Variants in SEL1L2 observed in about 807,000 individuals in gnomAD.
SEL1L2 encodes the protein SEL1L2 adaptor subunit of SYVN1 ubiquitin ligase, also known as protein sel-1 homolog 2.
SEL1L2 carries 89 observed loss-of-function variants against 98.8 expected under a neutral mutation model. The ratio of observed to expected loss-of-function variants is 0.90; its 90% CI spans 0.76 to 1.07. The LOEUF is 1.07. SEL1L2 is among the 50% of genes least tolerant of loss of function. The pLI, the probability that SEL1L2 is intolerant of heterozygous loss-of-function variation, is 0.00. For synonymous variants in SEL1L2, 262 were observed against 278.5 expected (o/e 0.94, Z 0.59); for missense variants, 788 against 812.0 (o/e 0.97, Z 0.36).
At chr20:13,968,492 T>C (rs1179450803) in intron 1 of SEL1L2, among the ~76,000 whole-genome samples, 1 of 152,224 alleles carries the variant, frequency 6.6e-6, no homozygotes, top group African/African-American at 2.4e-5. Context: ...AATGAGAGTA[T>C]GCGGTGGAAC....
At chr20:13,937,574 C>A (rs1305436758) in intron 2 of SEL1L2, among the ~76,000 whole-genome samples, 1 of 152,140 alleles carries the variant, frequency 6.6e-6, no homozygotes, top group African/African-American at 2.4e-5. Context: ...TGTCCATGTG[C>A]CTAAATTTTC....
At chr20:13,853,137 G>C (rs985563630) in intron 18 of SEL1L2, among the ~76,000 whole-genome samples, 1 of 151,536 alleles carries the variant, frequency 6.6e-6, no homozygotes, top group Non-Finnish European at 1.5e-5. Context: ...TACATCTTCT[G>C]TTTTCTTAAC....
rs553302008 is a variant in SEL1L2, at chr20:13,990,254, C to T, written c.58+223G>A. Among the ~76,000 whole-genome samples, 25 of 152,248 alleles carry T rather than the reference C, an allele frequency of 1.6e-4. 1 individual carries two copies. The highest frequency in any genetic ancestry group is 1.3e-3 in the Admixed American group (20 of 15,300). ...ATAGATTTGTTTTTTCCCCATCCCC[C>T]ACACCCTTCCCAAGTACACACCCTT... On this transcript the variant is annotated intron_variant, in intron 1 of 19. Transcript: ENST00000284951.
At chr20:13,948,331 G>A (rs543193556) in intron 2 of SEL1L2, among the ~76,000 whole-genome samples, 38 of 151,960 alleles carry the variant, frequency 2.5e-4, no homozygotes, top group African/African-American at 8.0e-4. Flanking sequence ...GAAGACTAAA[G>A]TTGGAGGTCT....
At chr20:13,863,881 A>G (rs1260635439) in intron 17 of SEL1L2, among the ~76,000 whole-genome samples, 1 of 151,824 alleles carries the variant, frequency 6.6e-6, no homozygotes, top group Non-Finnish European at 1.5e-5. Context: ...GAGGCAGGAG[A>G]ATCACTTGAA....
At chr20:13,965,546 T>C (rs781061289) in intron 1 of SEL1L2, among the ~76,000 whole-genome samples, 134 of 152,338 alleles carry the variant, frequency 8.8e-4, no homozygotes, top group Admixed American at 2.4e-3. Flanking sequence ...ATTCATACAA[T>C]AGCCTCCTAA....
intron 5 of SEL1L2, among the ~76,000 whole-genome samples, chr20:13,894,811 G>A (rs1301045142): frequency 6.6e-6 from 1 of 152,166 alleles, no homozygotes; most frequent in Non-Finnish European, 1.5e-5. Flanking sequence ...TAGCAGATCT[G>A]AACGATTTGT....
intron 2 of SEL1L2, among the ~76,000 whole-genome samples, chr20:13,941,335 A>C (rs997383171): frequency 6.6e-6 from 1 of 152,178 alleles, no homozygotes; most frequent in Non-Finnish European, 1.5e-5. Context: ...ATTACTCTTA[A>C]AAATCCCTGA....
chr20:13,964,479 T>G (rs2050945251), intron 1 of SEL1L2, among the ~76,000 whole-genome samples: 2 of 134,790 alleles, frequency 1.5e-5, no homozygotes, highest in Non-Finnish European at 3.1e-5. Flanking sequence ...TGAGACAGAG[T>G]TTCGCTCTTG....
chr20:13,908,564 A>G (rs1162801654), intron 5 of SEL1L2, among the ~76,000 whole-genome samples: 3 of 152,238 alleles, frequency 2.0e-5, no homozygotes, highest in Non-Finnish European at 4.4e-5. Context: ...TGGATGAGAA[A>G]TGAGAAATAG....
At position 13,850,310 on chromosome 20, in the gene SEL1L2, A is replaced by G. The variant is rs1988026816; in HGVS notation, c.1828T>C (p.Leu610=). ...HGLGITKDIH[L]ARRLYDMAAQ... ...GCCATGTCGTACAATCTTCTGGCCA[A>G]GTGAATGTCCTAGAAGGAGAAGAAT... The change falls in exon 19 of 20, where the codon TTG becomes CTG. Residue 610 remains leucine (L), a synonymous_variant. Coordinates refer to ENST00000284951, the MANE Select transcript of SEL1L2 (RefSeq NM_025229.2). 3.1e-6 allele frequency: 5 copies of G among 1,614,046 alleles called. No homozygotes were observed. Among genetic ancestry groups the G allele is most frequent in the Non-Finnish European group, 4.2e-6 (5 of 1,179,894 alleles).
chr20:13,875,929 A>C, intron 12 of SEL1L2, 109 bp downstream of exon 12: 1 of 805,386 alleles, frequency 1.2e-6, no homozygotes, highest in South Asian at 1.5e-5. Flanking sequence ...AACTCCTTAC[A>C]GGCCCATTAT....
At chr20:13,874,360 G>A (rs555351635) in intron 12 of SEL1L2, among the ~76,000 whole-genome samples, 52 of 152,208 alleles carry the variant, frequency 3.4e-4, no homozygotes, top group African/African-American at 1.2e-3. Flanking sequence ...GAAGTATGTG[G>A]CCATCTCCAC....
At chr20:13,890,158 A>T (rs922561922) in intron 5 of SEL1L2, among the ~76,000 whole-genome samples, 14 of 152,326 alleles carry the variant, frequency 9.2e-5, no homozygotes, top group Non-Finnish European at 1.2e-4. Context: ...CAGGAGAAAA[A>T]GCCCAACTGA....
intron 5 of SEL1L2, among the ~76,000 whole-genome samples, chr20:13,894,946 T>C (rs1288535625): frequency 6.6e-6 from 1 of 152,132 alleles, no homozygotes. Flanking sequence ...CTTCACATTT[T>C]CCAAACTTTC....
intron 5 of SEL1L2, among the ~76,000 whole-genome samples, chr20:13,907,055 A>G (rs2047964623): frequency 6.6e-6 from 1 of 152,226 alleles, no homozygotes; most frequent in Non-Finnish European, 1.5e-5. Context: ...AGAATCATAA[A>G]GCATGATAAA....
chr20:13,993,199 C>A (rs1368135230), upstream of SEL1L2, among the ~76,000 whole-genome samples: 1 of 152,190 alleles, frequency 6.6e-6, no homozygotes, highest in African/African-American at 2.4e-5. Context: ...AAGTTTACTG[C>A]AATGCTGTTG....
chr20:13,956,046 AAAAATGTAAAGATTTAGC>A lies in SEL1L2; in HGVS notation c.114+12_114+29del. ...TGCCTATAGCCTAAATTTTCTATTAAAAAATGTAAAGATTTAGCAAAATATTTACCTGTGTGGTGACAT... is the reference window on the plus strand; with the variant it reads ...TGCCTATAGCCTAAATTTTCTATTAAAAAATATTTACCTGTGTGGTGACAT... On this transcript the variant is annotated intron_variant, in intron 2 of 19. Coordinates refer to ENST00000284951, the MANE Select transcript of SEL1L2 (RefSeq NM_025229.2). 7.4e-7 allele frequency: 1 copy of A among 1,343,604 alleles called. No individual in the cohort carries two copies. The highest frequency in any genetic ancestry group is 2.3e-5 in the East Asian group (1 of 42,590). 83.2% of individuals were successfully genotyped at this position (1,343,604 alleles called of 1,614,324 possible).
At chr20:13,901,379 T>G (rs1167069623) in intron 5 of SEL1L2, among the ~76,000 whole-genome samples, 2 of 152,114 alleles carry the variant, frequency 1.3e-5, no homozygotes, top group African/African-American at 4.8e-5. Flanking sequence ...CATTTCTTGT[T>G]TATTAAAACA....
Sources: allele counts gnomAD v4.1 joint callset (sites outside exome capture counted in the v4.1 genomes callset), GRCh38; gene constraint gnomAD v4.1.1; transcripts MANE v1.5; gene names NCBI Gene and HGNC (gene_info 2026-07-23, HGNC 2026-07-21).